LAMA2: variants seen among roughly 807,000 people sequenced by gnomAD.
The protein encoded by LAMA2 is laminin subunit alpha 2, also known as laminin subunit alpha-2.
LAMA2 carries 269 observed loss-of-function variants against 364.8 expected under a neutral mutation model. The ratio of observed to expected loss-of-function variants is 0.74; its 90% CI spans 0.67 to 0.82. The LOEUF (loss-of-function observed/expected upper bound fraction) is 0.82. Ranked by LOEUF, LAMA2 falls within the 40% of genes least tolerant of loss-of-function variation. The pLI, the probability that LAMA2 is intolerant of heterozygous loss-of-function variation, is 0.00. For missense variants in LAMA2, 3,807 were observed against 3,873.2 expected (o/e 0.98, Z 0.45); for synonymous variants, 1,379 against 1,370.6 (o/e 1.01, Z -0.14).
At chr6:129,171,377 C>CA (rs1465829333) in intron 9 of LAMA2, among the ~76,000 whole-genome samples, 2 of 152,076 alleles carry the variant, frequency 1.3e-5, no homozygotes, top group Non-Finnish European at 2.9e-5. Context: ...CTGGTGGTGA[C>CA]AAAATCTCTC....
At chr6:129,230,590 G>A (rs1018087214) in intron 12 of LAMA2, among the ~76,000 whole-genome samples, 1 of 152,012 alleles carries the variant, frequency 6.6e-6, no homozygotes, top group Non-Finnish European at 1.5e-5. Context: ...GATTCAAGGA[G>A]AAAAGAGAAA....
At chr6:129,469,049 G>A (rs151122514) in intron 51 of LAMA2, among the ~76,000 whole-genome samples, 4 of 152,078 alleles carry the variant, frequency 2.6e-5, no homozygotes, top group African/African-American at 9.6e-5. Flanking sequence ...TATTTGGGCA[G>A]CTGTTGTAAT....
At chr6:129,499,360 C>T (rs17752721) in intron 58 of LAMA2, among the ~76,000 whole-genome samples, 15,801 of 152,028 alleles carry the variant, frequency 0.1, 1,136 homozygotes, top group Middle Eastern at 0.18. Context: ...GAGATGAGGA[C>T]GCCTTCAAGT....
chr6:129,007,104 A>G (rs536165342), intron 1 of LAMA2, among the ~76,000 whole-genome samples: 1 of 152,244 alleles, frequency 6.6e-6, no homozygotes, highest in South Asian at 2.1e-4. Context: ...GTGGCTCCTG[A>G]GTAGCTATGC....
chr6:129,178,452 G>A (rs1780741634), intron 10 of LAMA2, among the ~76,000 whole-genome samples: 1 of 152,112 alleles, frequency 6.6e-6, no homozygotes, highest in Non-Finnish European at 1.5e-5. Flanking sequence ...TTAACACCAA[G>A]GGATGCATTA....
intron 12 of LAMA2, 69 bp from the exon 13 acceptor site, chr6:129,250,043 C>A (rs1255009411): frequency 2.1e-6 from 2 of 946,728 alleles, no homozygotes; most frequent in Non-Finnish European, 3.5e-6. Context: ...TCGTATACAA[C>A]AGTAAGTAAA....
At chr6:129,230,479 T>C (rs1784612833) in intron 12 of LAMA2, among the ~76,000 whole-genome samples, 1 of 152,096 alleles carries the variant, frequency 6.6e-6, no homozygotes, top group Non-Finnish European at 1.5e-5. Flanking sequence ...TTATGGGATG[T>C]GGAATGGTGC....
At chr6:129,023,858 GTTCT>G (rs1194892951) in intron 1 of LAMA2, among the ~76,000 whole-genome samples, 1 of 152,072 alleles carries the variant, frequency 6.6e-6, no homozygotes, top group African/African-American at 2.4e-5. Context: ...TATAAGTCAT[GTTCT>G]TTGTTAGCTC....
At chr6:129,148,874 A>C in intron 6 of LAMA2, 105 bp from the exon 7 acceptor site, 1 of 835,974 alleles carries the variant, frequency 1.2e-6, no homozygotes, top group South Asian at 1.3e-5. Flanking sequence ...ATTTTAGTAC[A>C]CAGTCCAGAT....
At chr6:128,921,387 G>A (rs1320586501) in intron 1 of LAMA2, among the ~76,000 whole-genome samples, 1 of 152,122 alleles carries the variant, frequency 6.6e-6, no homozygotes. Flanking sequence ...TTAACCCCAG[G>A]TAACTATGAA....
At chr6:129,021,984 A>G (rs1785478432) in intron 1 of LAMA2, among the ~76,000 whole-genome samples, 1 of 152,250 alleles carries the variant, frequency 6.6e-6, no homozygotes, top group Admixed American at 6.5e-5. Context: ...TCAAGGTTCT[A>G]GGAAATTTCA....
At chr6:128,975,087 C>T (rs1188826557) in intron 1 of LAMA2, among the ~76,000 whole-genome samples, 4 of 152,056 alleles carry the variant, frequency 2.6e-5, no homozygotes, top group African/African-American at 7.2e-5. Flanking sequence ...CTCCTGACCT[C>T]GTGATCCGCC....
chr6:129,441,017 T>C lies in LAMA2; in HGVS notation c.6268+19T>C. The stretch of plus-strand genomic sequence containing the variant: ...AAGAACAGTAAGATCTCCTTTTTCA[T>C]TGTGATGATGTCATTTATTTCCTCT... On this transcript the variant is annotated intron_variant, in intron 43 of 64. Transcript: ENST00000421865. 2 of 1,599,806 alleles carry C rather than the reference T, an allele frequency of 1.3e-6. No individual in the cohort carries two copies. The highest frequency in any genetic ancestry group is 1.3e-5 in the African/African-American group (1 of 74,714).
At position 129,132,713 on chromosome 6, in the gene LAMA2, T is replaced by C. The variant is rs181171346; in HGVS notation, c.640-11188T>C. Among the ~76,000 whole-genome samples the C allele has an allele frequency of 3.2e-3, 487 of 152,056 alleles. 1 individual carries two copies. The highest frequency in any genetic ancestry group is 0.011 in the African/African-American group (465 of 41,340). On this transcript the variant is annotated intron_variant, in intron 4 of 64. Transcript: ENST00000421865. ...TGCTAAATGGAGAGATCCAGTGTCA[T>C]TTACATTTTTTTTAACTCTTTCAAG...
At chr6:129,075,554 A>G (rs1773581117) in intron 3 of LAMA2, among the ~76,000 whole-genome samples, 1 of 152,164 alleles carries the variant, frequency 6.6e-6, no homozygotes, top group South Asian at 2.1e-4. Flanking sequence ...TTTTTTAGCA[A>G]AGAGATGATG....
rs778508100 is a variant in LAMA2, at chr6:129,353,286, G to A, written c.4646G>A (p.Arg1549Gln). 1.4e-5 allele frequency: 23 copies of A among 1,614,036 alleles called. No individual in the cohort carries two copies. Among genetic ancestry groups the A allele is most frequent in the Admixed American group, 1.0e-4 (6 of 60,014 alleles). ...CCTGTCACAGGATTCTGCACGTGCC[G>A]ACCTGGAGCCACGGGAAGGAAGTGT... is the stretch of plus-strand genomic sequence containing the variant. ...CDPVTGFCTCRPGATGRKCDG... is the reference protein window; with the variant it reads ...CDPVTGFCTCQPGATGRKCDG... The change falls in exon 32 of 65, where the codon CGA becomes CAA. Residue 1549 changes from arginine to glutamine, a missense_variant. Physicochemically the swap from Arg to Gln is conservative, Grantham distance 43. Coordinates refer to ENST00000421865, the MANE Select transcript of LAMA2 (RefSeq NM_000426.4).
Position 128,895,878 on chromosome 6 carries a change from A to G in LAMA2, c.112+12521A>G, listed in dbSNP as rs530268157. Among the ~76,000 whole-genome samples the G allele has an allele frequency of 2.7e-4, 41 of 152,142 alleles. 1 individual carries two copies. The highest frequency in any genetic ancestry group is 5.3e-4 in the Non-Finnish European group (36 of 68,026). On this transcript the variant is annotated intron_variant, in intron 1 of 64. Transcript: ENST00000421865. ...AAGTTTTGTGATTTCTAAAGCATTT[A>G]AAAGGTTTTGTAATGTTGAGAACCT...
intron 40 of LAMA2, among the ~76,000 whole-genome samples, chr6:129,409,174 A>G (rs1052819988): frequency 6.6e-6 from 1 of 152,170 alleles, no homozygotes; most frequent in Non-Finnish European, 1.5e-5. Context: ...TCCCTTTGCT[A>G]CTGTCCTTCA....
intron 14 of LAMA2, among the ~76,000 whole-genome samples, chr6:129,256,491 G>T (rs1786672718): frequency 1.3e-5 from 2 of 151,944 alleles, no homozygotes; most frequent in African/African-American, 4.8e-5. Context: ...AGAGAAGACA[G>T]ATATACATAT....
Sources: allele counts gnomAD v4.1 joint callset (sites outside exome capture counted in the v4.1 genomes callset), GRCh38; gene constraint gnomAD v4.1.1; transcripts MANE v1.5; gene names NCBI Gene and HGNC (gene_info 2026-07-23, HGNC 2026-07-21).